Variants in TMEFF1 observed in about 807,000 individuals in gnomAD.
TMEFF1 encodes the protein transmembrane protein with EGF like and two follistatin like domains 1.
Under a neutral mutation model 47.5 loss-of-function variants are expected in TMEFF1, and 20 were observed. The ratio of observed to expected loss-of-function variants is 0.42; its 90% CI spans 0.30 to 0.61. The LOEUF is 0.61. TMEFF1 is among the 20% of genes least tolerant of loss of function. The pLI is 0.19. For missense variants in TMEFF1, 411 were observed against 471.1 expected (o/e 0.87, Z 1.18); for synonymous variants, 162 against 166.3 (o/e 0.97, Z 0.20).
At chr9:100,505,667 C>T (rs929077455) in intron 2 of TMEFF1, among the ~76,000 whole-genome samples, 2 of 152,158 alleles carry the variant, frequency 1.3e-5, no homozygotes. Context: ...TGCAGTACTT[C>T]AGGCATCCTT....
At chr9:100,565,571 C>T (rs536885438) in intron 8 of TMEFF1, among the ~76,000 whole-genome samples, 2 of 152,260 alleles carry the variant, frequency 1.3e-5, no homozygotes, top group Non-Finnish European at 2.9e-5. Context: ...TTTATACATT[C>T]TCCTCCTCTC....
chr9:100,569,944 C>T (rs1422224546), intron 8 of TMEFF1, among the ~76,000 whole-genome samples: 2 of 152,182 alleles, frequency 1.3e-5, no homozygotes, highest in African/African-American at 4.8e-5. Context: ...CAAAGCACCT[C>T]CTACCACACC....
chr9:100,552,975 G>A (rs747687097), intron 7 of TMEFF1, among the ~76,000 whole-genome samples: 1 of 152,126 alleles, frequency 6.6e-6, no homozygotes, highest in Non-Finnish European at 1.5e-5. Context: ...GTTGAAGAAA[G>A]TTCTGTTGGA....
chr9:100,555,195 G>GCA lies in TMEFF1; in HGVS notation c.775+5042_775+5043dup, dbSNP rs139683465. Among the ~76,000 whole-genome samples the GCA allele has an allele frequency of 2.8e-4, 38 of 135,684 alleles. No individual in the cohort carries two copies. In the East Asian group the frequency reaches 6.2e-3, roughly 22 times the overall value. The allele number at this position is 135,684 out of a possible 152,430, so 89.0% of individuals were successfully genotyped here. A position where few individuals can be genotyped will look rare whatever the true frequency, so the allele number is the denominator to read the frequency against. On this transcript the variant is annotated intron_variant, in intron 7 of 9. Transcript: ENST00000374879. ...CACACACACACACACACACACACAC[G>GCA]CACACACATTGTTGCAGTTGCAACA...
At chr9:100,516,026 G>GT (rs200686846) in intron 4 of TMEFF1, among the ~76,000 whole-genome samples, 410 of 151,082 alleles carry the variant, frequency 2.7e-3, no homozygotes, top group African/African-American at 8.9e-3. Context: ...GGTATTTAGT[G>GT]TTTTTATTTT....
chr9:100,522,494 G>C (rs571869096), intron 5 of TMEFF1, among the ~76,000 whole-genome samples: 3 of 142,462 alleles, frequency 2.1e-5, no homozygotes, highest in African/African-American at 7.8e-5. Flanking sequence ...CCGGAGTGGA[G>C]TGGCACAATC....
chr9:100,539,303 T>C (rs977946110), intron 5 of TMEFF1, among the ~76,000 whole-genome samples: 1 of 152,228 alleles, frequency 6.6e-6, no homozygotes, highest in African/African-American at 2.4e-5. Context: ...CCAAAGTTGC[T>C]GTCCCAGTAA....
At chr9:100,514,799 A>G (rs1838032924) in intron 4 of TMEFF1, among the ~76,000 whole-genome samples, 1 of 151,896 alleles carries the variant, frequency 6.6e-6, no homozygotes, top group African/African-American at 2.4e-5. Context: ...GTTTGAGACC[A>G]GCCTGGCCAA....
In TMEFF1 at chr9:100,561,449, T is replaced by C. The variant is rs1839013285; in HGVS notation, c.828T>C (p.Pro276=). ...DVYIGNHMPC[P]ENLNGYCIHG... ...ATATTGGAAACCACATGCCTTGCCC[T>C]GAAAACCTCAATGGTTACTGCATCC... The change falls in exon 8 of 10, where the codon CCT becomes CCC. Residue 276 remains proline, a synonymous_variant. Coordinates refer to ENST00000374879, the MANE Select transcript of TMEFF1 (RefSeq NM_003692.5). The C allele has an allele frequency of 6.2e-7, 1 of 1,613,940 alleles. No individual in the cohort carries two copies.
At chr9:100,520,267 G>T (rs986917020) in intron 5 of TMEFF1, among the ~76,000 whole-genome samples, 7 of 152,144 alleles carry the variant, frequency 4.6e-5, no homozygotes, top group African/African-American at 1.7e-4. Context: ...AGCCATGATT[G>T]CGCCACTGTG....
At position 100,572,570 on chromosome 9, in the gene TMEFF1, C is replaced by G; in HGVS notation, c.952C>G (p.Leu318Val). Residue 318 changes from leucine to valine, a missense_variant, in exon 9 of 10, where the codon CTC becomes GTC. By Grantham distance (32) the Leu-to-Val change is conservative. Transcript: ENST00000374879. ...QHCEKTDFSI[L>V]YVVPSRQKLT... ...CTGTGAAAAGACAGACTTTAGTATT[C>G]TCTATGTAGTGCCAAGTAGGCAAAA... 6.2e-6 allele frequency: 10 copies of G among 1,613,512 alleles called. No individual in the cohort carries two copies. Among genetic ancestry groups the G allele is most frequent in the Non-Finnish European group, 8.5e-6 (10 of 1,179,710 alleles).
chr9:100,574,705 GA>G (rs529555525), intron 9 of TMEFF1, among the ~76,000 whole-genome samples: 2 of 152,088 alleles, frequency 1.3e-5, no homozygotes, highest in Non-Finnish European at 1.5e-5. Flanking sequence ...CAGAGTCAAT[GA>G]GAAACAATTC....
In TMEFF1 at chr9:100,509,138, T is replaced by C. The variant is rs1425030186; in HGVS notation, c.436+4T>C. 6.6e-7 allele frequency: 1 copy of C among 1,510,144 alleles called. No individual in the cohort carries two copies. The highest frequency in any genetic ancestry group is 1.4e-5 in the African/African-American group (1 of 69,976). The allele number at this position is 1,510,144 out of a possible 1,614,324, so 93.5% of individuals were successfully genotyped here. On this transcript the variant is annotated splice_donor_region_variant and intron_variant, in intron 3 of 9. Transcript: ENST00000374879. ...GCAAGAGGACCATGCTACTCTGGTA[T>C]GTATGATATTCTTCTGAATAAATTT...
chr9:100,571,228 A>G (rs1016282043), intron 8 of TMEFF1, among the ~76,000 whole-genome samples: 7 of 152,250 alleles, frequency 4.6e-5, no homozygotes, highest in East Asian at 1.9e-4. Context: ...TATTTTTTCA[A>G]TAGTCTTAAT....
intron 3 of TMEFF1, among the ~76,000 whole-genome samples, chr9:100,511,948 C>T (rs77620276): frequency 0.017 from 2,516 of 152,052 alleles, 50 homozygotes; most frequent in African/African-American, 0.05. Flanking sequence ...TTCTAAATGA[C>T]GAAGGTATGA....
At chr9:100,559,083 G>A (rs1838967516) in intron 7 of TMEFF1, among the ~76,000 whole-genome samples, 1 of 152,060 alleles carries the variant, frequency 6.6e-6, no homozygotes, top group African/African-American at 2.4e-5. Flanking sequence ...CTAAATGTTA[G>A]GAGTTATACA....
intron 4 of TMEFF1, among the ~76,000 whole-genome samples, chr9:100,514,298 G>A (rs1838023429): frequency 6.6e-6 from 1 of 150,728 alleles, no homozygotes. Flanking sequence ...AGAAATTCAA[G>A]GATGACAGTT....
chr9:100,516,855 G>C, intron 5 of TMEFF1, 84 bp downstream of exon 5: 1 of 1,467,738 alleles, frequency 6.8e-7, no homozygotes, highest in South Asian at 1.5e-5. Context: ...TCATTTACCT[G>C]GTTCTGTATC....
At chr9:100,512,162 T>A (rs1837980573) in intron 3 of TMEFF1, among the ~76,000 whole-genome samples, 1 of 152,178 alleles carries the variant, frequency 6.6e-6, no homozygotes, top group Non-Finnish European at 1.5e-5. Flanking sequence ...TAAAAACAAT[T>A]TTGAGTTTCC....
Sources: gnomAD v4.1 joint callset for allele counts (sites outside exome capture counted in the v4.1 genomes callset) on GRCh38, gnomAD v4.1.1 for gene constraint, MANE v1.5 for transcripts, NCBI Gene and HGNC (gene_info 2026-07-23, HGNC 2026-07-21) for gene names.